The following PRKN variants were observed in gnomAD, a reference collection of about 807,000 sequenced individuals.
PRKN encodes the protein parkin RBR E3 ubiquitin protein ligase.
PRKN carries 56 observed loss-of-function variants against 59.5 expected under a neutral mutation model. The observed-to-expected ratio is 0.94, with a 90% confidence interval of 0.76 to 1.18. PRKN has a LOEUF of 1.18. PRKN is among the 50% of genes most tolerant of loss of function. The pLI is 0.00. For missense variants in PRKN, 657 were observed against 596.4 expected, an observed-to-expected ratio of 1.10 and a Z score of -1.06; for synonymous variants, 250 against 222.1, an observed-to-expected ratio of 1.13 and a Z score of -1.12.
rs1256722947 is a variant in PRKN, at chr6:161,350,076, G to A, written c.*23C>T. The A allele has an allele frequency of 2.0e-6, 3 of 1,499,342 alleles. No individual in the cohort carries two copies. Among genetic ancestry groups the A allele is most frequent in the East Asian group, 2.3e-5 (1 of 44,110 alleles). 92.9% of individuals were successfully genotyped at this position (1,499,342 alleles called of 1,614,324 possible). A position where few individuals can be genotyped will look rare whatever the true frequency, so the allele number is the denominator to read the frequency against. The stretch of plus-strand genomic sequence containing the variant: ...TGGGTATGCTCCCCCAGGATGTGGC[G>A]ATGGGGCGCCCGGCCGCCCTGGCTA... On this transcript the variant is annotated 3_prime_UTR_variant, in exon 12 of 12. Transcript: ENST00000366898.
rs1784804357 is a variant in PRKN at position 161,357,427 on chromosome 6, C to G, written c.1285+2661G>C. Reference sequence around the variant, plus strand: ...CCGAGGAGGCCACTAAGGCATGGACCCCAGACCTGCTGGGTAAATTCTCCA... The same window carrying G: ...CCGAGGAGGCCACTAAGGCATGGACGCCAGACCTGCTGGGTAAATTCTCCA... On this transcript the variant is annotated intron_variant, in intron 11 of 11. Coordinates refer to ENST00000366898, the MANE Select transcript of PRKN (RefSeq NM_004562.3). This position sits in a 1 kb window ranked among gnomAD's most constrained non-coding sequence, Gnocchi z 5.5. Among the ~76,000 whole-genome samples the G allele has an allele frequency of 6.6e-6, 1 of 152,154 alleles. No individual in the cohort carries two copies.
At chr6:162,390,800 G>A (rs1187564403) in intron 2 of PRKN, among the ~76,000 whole-genome samples, 1 of 152,030 alleles carries the variant, frequency 6.6e-6, no homozygotes, top group Non-Finnish European at 1.5e-5. Context: ...TAACATAATA[G>A]GAGTAAAACT....
intron 1 of PRKN, among the ~76,000 whole-genome samples, chr6:162,626,199 G>A (rs1782883653): frequency 6.6e-6 from 1 of 152,154 alleles, no homozygotes; most frequent in Admixed American, 6.5e-5. Context: ...CATGCTGGAT[G>A]GGGAATTTAC....
chr6:161,537,270 C>T (rs927280845), intron 9 of PRKN, among the ~76,000 whole-genome samples: 2 of 152,130 alleles, frequency 1.3e-5, no homozygotes, highest in African/African-American at 4.8e-5. Context: ...CAGGACACAT[C>T]CATTCCAAGC....
chr6:161,908,583 T>C lies in PRKN; in HGVS notation c.734+64719A>G, dbSNP rs1235071401. Reference sequence around the variant, plus strand: ...CTTATTCTTTTTCTGCCTGAAGTGATTACAAGAAAAAAAAACGAATAGTTT... The same window carrying C: ...CTTATTCTTTTTCTGCCTGAAGTGACTACAAGAAAAAAAAACGAATAGTTT... On this transcript the variant is annotated intron_variant, in intron 6 of 11. Coordinates refer to ENST00000366898, the MANE Select transcript of PRKN (RefSeq NM_004562.3). Among the ~76,000 whole-genome samples the C allele has an allele frequency of 3.1e-5, 4 of 127,314 alleles. No homozygotes were observed. In the East Asian group the frequency reaches 5.9e-4, roughly 19 times the overall value. 83.5% of individuals were successfully genotyped at this position (127,314 alleles called of 152,430 possible). A position where few individuals can be genotyped will look rare whatever the true frequency, so the allele number is the denominator to read the frequency against.
rs934806612 is a variant in PRKN at position 162,538,415 on chromosome 6, T to TA, written c.8-94943dup. Among the ~76,000 whole-genome samples, 10 of 151,310 alleles carry TA rather than the reference T, an allele frequency of 6.6e-5. No individual in the cohort carries two copies. In the South Asian group the frequency reaches 1.3e-3, roughly 19 times the overall value. On this transcript the variant is annotated intron_variant, in intron 1 of 11. Transcript: ENST00000366898. ...CTGTCTCTAAATAAATAAATAAAAT[T>TA]AAAAAAAAGAAAAGAAGTATCTAAA...
intron 6 of PRKN, among the ~76,000 whole-genome samples, chr6:161,955,082 G>A (rs533419621): frequency 2.6e-5 from 4 of 152,284 alleles, no homozygotes; most frequent in South Asian, 2.1e-4. Flanking sequence ...GGAAGTCATC[G>A]TCCTGTCTCA....
At chr6:162,391,349 C>A (rs746166082) in intron 2 of PRKN, among the ~76,000 whole-genome samples, 1 of 151,486 alleles carries the variant, frequency 6.6e-6, no homozygotes, top group Non-Finnish European at 1.5e-5. Flanking sequence ...TCTGCAATGA[C>A]TTCCTCCTGG....
intron 4 of PRKN, among the ~76,000 whole-genome samples, chr6:162,123,019 A>C (rs1157709158): frequency 6.6e-6 from 1 of 152,012 alleles, no homozygotes; most frequent in African/African-American, 2.4e-5. Context: ...AAAAAAAAAA[A>C]AAAAGTTGAG....
chr6:162,054,020 A>T, intron 5 of PRKN, 71 bp downstream of exon 5: 1 of 1,014,092 alleles, frequency 9.9e-7, no homozygotes, highest in East Asian at 2.4e-5. Context: ...TTTGTCTCTA[A>T]TTTCCTGGCA....
At chr6:161,983,819 G>C (rs567094090) in intron 5 of PRKN, among the ~76,000 whole-genome samples, 2 of 111,654 alleles carry the variant, frequency 1.8e-5, no homozygotes, top group South Asian at 5.9e-4. Flanking sequence ...TGACACATTA[G>C]TGGGTGCAGC....
intron 6 of PRKN, among the ~76,000 whole-genome samples, chr6:161,915,529 T>C (rs764530210): frequency 1.3e-5 from 2 of 152,214 alleles, no homozygotes; most frequent in African/African-American, 2.4e-5. Flanking sequence ...GGATTGTTCA[T>C]CTCTTTTGTG....
At chr6:161,975,640 C>T (rs1274026424) in intron 5 of PRKN, among the ~76,000 whole-genome samples, 1 of 152,072 alleles carries the variant, frequency 6.6e-6, no homozygotes, top group Non-Finnish European at 1.5e-5. Context: ...ACTTGCTAAA[C>T]CAGAGATCGC....
intron 7 of PRKN, among the ~76,000 whole-genome samples, chr6:161,764,874 C>T (rs1789357646): frequency 1.3e-5 from 2 of 152,136 alleles, no homozygotes; most frequent in South Asian, 4.1e-4. Flanking sequence ...TTATTGGCAT[C>T]AGAAAAGCAA....
intron 2 of PRKN, among the ~76,000 whole-genome samples, chr6:162,440,096 T>C (rs967480336): frequency 1.3e-5 from 2 of 151,844 alleles, no homozygotes; most frequent in Non-Finnish European, 2.9e-5. Flanking sequence ...CTGTGCCAGA[T>C]CATTCGTTTT....
At position 161,620,077 on chromosome 6, in the gene PRKN, C is replaced by T. The variant is rs1423259177; in HGVS notation, c.872-50661G>A. Among the ~76,000 whole-genome samples, 4 of 146,566 alleles carry T rather than the reference C, an allele frequency of 2.7e-5. No individual in the cohort carries two copies. The South Asian group carries it at 8.6e-4, about 32-fold the overall frequency. On this transcript the variant is annotated intron_variant, in intron 7 of 11. Coordinates refer to ENST00000366898, the MANE Select transcript of PRKN (RefSeq NM_004562.3). The stretch of plus-strand genomic sequence containing the variant: ...TGATCTCAGCTCACTGCAACCTCCA[C>T]CTCCTGAATTTGAACGATTCTCCTG...
At chr6:162,512,482 C>T (rs1306475458) in intron 1 of PRKN, among the ~76,000 whole-genome samples, 1 of 152,052 alleles carries the variant, frequency 6.6e-6, no homozygotes, top group Non-Finnish European at 1.5e-5. Flanking sequence ...GGGAGAATTC[C>T]CCTTATATTA....
At chr6:161,753,571 G>C (rs1385345476) in intron 7 of PRKN, among the ~76,000 whole-genome samples, 3 of 152,204 alleles carry the variant, frequency 2.0e-5, no homozygotes, top group Non-Finnish European at 4.4e-5. Flanking sequence ...TTCAGTTATT[G>C]ACTGGCTGAG....
chr6:162,083,201 C>T (rs1324383210), intron 4 of PRKN, among the ~76,000 whole-genome samples: 3 of 151,854 alleles, frequency 2.0e-5, no homozygotes, highest in East Asian at 3.9e-4. Flanking sequence ...GTGATCCACC[C>T]GCCATATACT....
Sources: gnomAD v4.1 joint callset for allele counts (sites outside exome capture counted in the v4.1 genomes callset) on GRCh38, gnomAD v4.1.1 for gene constraint, Gnocchi (gnomAD v3.1) non-coding constraint, MANE v1.5 for transcripts, NCBI Gene and HGNC (gene_info 2026-07-23, HGNC 2026-07-21) for gene names.